Variants in DOCK8 observed in about 807,000 individuals in gnomAD.
DOCK8 encodes dedicator of cytokinesis protein 8.
A neutral mutation model predicts 245.6 loss-of-function variants in DOCK8; 141 were observed. The observed-to-expected ratio is 0.57, with a 90% CI of 0.50 to 0.66. The LOEUF (loss-of-function observed/expected upper bound fraction) is 0.66. DOCK8 is among the 30% of genes least tolerant of loss of function. The pLI is 0.00. For missense variants in DOCK8, 2,965 were observed against 2,603.4 expected, an observed-to-expected ratio of 1.14 and a Z score of -3.02; for synonymous variants, 1,168 against 970.2, an observed-to-expected ratio of 1.20 and a Z score of -3.79.
chr9:377,986 A>G (rs1469852725), intron 20 of DOCK8, among the ~76,000 whole-genome samples: 2 of 152,198 alleles, frequency 1.3e-5, no homozygotes, highest in African/African-American at 4.8e-5. Flanking sequence ...CTGTGCCTAT[A>G]TAGCTCTTTG....
intron 29 of DOCK8, among the ~76,000 whole-genome samples, chr9:416,543 GA>G (rs1396634536): frequency 6.6e-6 from 1 of 151,962 alleles, no homozygotes; most frequent in Non-Finnish European, 1.5e-5. Context: ...GCTGATGAGA[GA>G]AAAAAACAGT....
upstream of DOCK8, chr9:214,864 C>T (rs2236547): frequency 0.22 from 352,235 of 1,604,274 alleles, 41,243 homozygotes; most frequent in East Asian, 0.38. Context: ...CAGCGCCGAC[C>T]GACAGACGAG....
At chr9:343,987 A>G (rs2130954623) in intron 14 of DOCK8, among the ~76,000 whole-genome samples, 1 of 152,366 alleles carries the variant, frequency 6.6e-6, no homozygotes, top group East Asian at 1.9e-4. Context: ...TGAATGATCC[A>G]GAAATGTAGG....
intron 44 of DOCK8, 33 bp from the exon 45 acceptor site, chr9:449,751 A>C (rs781365919): frequency 1.2e-6 from 2 of 1,612,138 alleles, no homozygotes; most frequent in Non-Finnish European, 1.7e-6. Context: ...GAGACCAGAC[A>C]GTGACTTCCC....
intron 16 of DOCK8, among the ~76,000 whole-genome samples, chr9:370,649 C>T (rs917781495): frequency 6.6e-6 from 1 of 152,206 alleles, no homozygotes; most frequent in Admixed American, 6.5e-5. Flanking sequence ...CTCCCCTTGC[C>T]CTGTGTGTCC....
rs16931565 is a variant in DOCK8, at chr9:338,330, G to A, written c.1423-676G>A. On this transcript the variant is annotated intron_variant, in intron 12 of 47. Coordinates refer to ENST00000432829, the MANE Select transcript of DOCK8 (RefSeq NM_203447.4). The stretch of plus-strand genomic sequence containing the variant: ...AACTGAAATGCAAAAGGGATGCTGA[G>A]GGCGCCTGTGCACCGTGCCACATCA... 7.3e-3 allele frequency among the ~76,000 whole-genome samples: 1,107 copies of A among 152,282 alleles called. 34 individuals are homozygous for A. In the East Asian group the frequency reaches 0.078, roughly 11 times the overall value.
Position 273,098 on chromosome 9 carries a change from A to C in DOCK8, c.156+1369A>C, listed in dbSNP as rs982280956. On this transcript the variant is annotated intron_variant, in intron 2 of 47. Coordinates refer to ENST00000432829, the MANE Select transcript of DOCK8 (RefSeq NM_203447.4). ...GCGCCGTGTAACTGTGAATCTTTCA[A>C]AGGTATGTTTTACTGGAGTGATTTC... 8.1e-6 allele frequency: 8 copies of C among 985,320 alleles called. No individual in the cohort carries two copies. The African/African-American group carries it at 1.4e-4, about 17-fold the overall frequency. The allele number at this position is 985,320 out of a possible 1,614,324, so 61.0% of individuals were successfully genotyped here.
chr9:457,018 G>A, intron 46 of DOCK8: 1 of 152,234 alleles, frequency 6.6e-6, no homozygotes, highest in Admixed American at 6.5e-5. Context: ...AGGCTGTTGA[G>A]TGGTGGCGTT....
intron 36 of DOCK8, among the ~76,000 whole-genome samples, chr9:430,451 G>A (rs570435853): frequency 1.4e-4 from 22 of 152,114 alleles, no homozygotes; most frequent in South Asian, 6.2e-4. Context: ...GGAGGCCAAG[G>A]CAGGCAGATC....
chr9:328,257 A>G, intron 9 of DOCK8, 86 bp downstream of exon 9: 1 of 1,481,160 alleles, frequency 6.8e-7, no homozygotes, highest in Non-Finnish European at 9.2e-7. Flanking sequence ...ACGCAATCTC[A>G]GAATGTGTCC....
intron 24 of DOCK8, among the ~76,000 whole-genome samples, chr9:392,111 C>G (rs2054221912): frequency 1.3e-5 from 2 of 148,648 alleles, no homozygotes; most frequent in African/African-American, 5.0e-5. Flanking sequence ...GCACTGCAGC[C>G]TGGGCAAAAA....
At chr9:260,328 C>T (rs1261272301) in intron 1 of DOCK8, among the ~76,000 whole-genome samples, 1 of 152,168 alleles carries the variant, frequency 6.6e-6, no homozygotes, top group African/African-American at 2.4e-5. Flanking sequence ...ATAGCAACTT[C>T]CTGCCCATAA....
chr9:323,236 T>G (rs2050601848), intron 7 of DOCK8, among the ~76,000 whole-genome samples: 1 of 143,280 alleles, frequency 7.0e-6, no homozygotes, highest in Non-Finnish European at 1.5e-5. Context: ...TTTTTTTTTT[T>G]TTTTTGAGAC....
chr9:431,062 A>G (rs532002378), intron 36 of DOCK8, among the ~76,000 whole-genome samples: 19 of 151,896 alleles, frequency 1.3e-4, no homozygotes, highest in African/African-American at 4.3e-4. Flanking sequence ...TTTTGTTGAG[A>G]CAGGGTCTTG....
Position 432,309 on chromosome 9 carries a change from T to C in DOCK8, c.4770T>C (p.Thr1590=). Residue 1590 remains threonine (T), a synonymous_variant, in exon 37 of 48, where the codon ACT becomes ACC. Coordinates refer to ENST00000432829, the MANE Select transcript of DOCK8 (RefSeq NM_203447.4). ...AAGAGGACACAGCCATGCAGATGACTCCTTTTCCCACCCAGGTACACCGAA... is the reference window on the plus strand; with the variant it reads ...AAGAGGACACAGCCATGCAGATGACCCCTTTTCCCACCCAGGTACACCGAA... The part of the protein sequence containing the change: ...YSEEDTAMQM[T]PFPTQVEELL... 1.2e-6 allele frequency: 2 copies of C among 1,614,106 alleles called. No homozygotes were observed. The highest frequency in any genetic ancestry group is 1.7e-6 in the Non-Finnish European group (2 of 1,180,018).
Position 262,448 on chromosome 9 carries a change from TA to T in DOCK8, c.54-9171del, listed in dbSNP as rs936995835. Among the ~76,000 whole-genome samples the T allele has an allele frequency of 2.2e-5, 2 of 89,724 alleles. 1 individual carries two copies. The highest frequency in any genetic ancestry group is 7.2e-5 in the African/African-American group (2 of 27,650). The allele number at this position is 89,724 out of a possible 152,430, so 58.9% of individuals were successfully genotyped here. A position where few individuals can be genotyped will look rare whatever the true frequency, so the allele number is the denominator to read the frequency against. ...ATGTCCATAGACAGATGAATGGATT[TA>T]AAAAAAACCATGTTATATCCATACA... On this transcript the variant is annotated intron_variant, in intron 1 of 47. Coordinates refer to ENST00000432829, the MANE Select transcript of DOCK8 (RefSeq NM_203447.4).
chr9:343,335 C>A (rs2051705234), intron 14 of DOCK8, among the ~76,000 whole-genome samples: 1 of 151,950 alleles, frequency 6.6e-6, no homozygotes, highest in Admixed American at 6.6e-5. Context: ...CTCTACAAAA[C>A]ATTTTAAAAA....
chr9:368,695 C>G (rs1360364853), intron 15 of DOCK8: 1 of 151,198 alleles, frequency 6.6e-6, no homozygotes, highest in African/African-American at 2.4e-5. Flanking sequence ...CAGTGTGCTC[C>G]AAGGAACTCA....
chr9:357,161 G>A (rs1563959407), intron 14 of DOCK8, among the ~76,000 whole-genome samples: 1 of 152,186 alleles, frequency 6.6e-6, no homozygotes, highest in African/African-American at 2.4e-5. Flanking sequence ...CAGAAGGAAT[G>A]CTGGTTTTCC....
Sources: allele counts gnomAD v4.1 joint callset (sites outside exome capture counted in the v4.1 genomes callset), GRCh38; gene constraint gnomAD v4.1.1; transcripts MANE v1.5; gene names NCBI Gene and HGNC (gene_info 2026-07-23, HGNC 2026-07-21).